PLEKHG4B: variants seen among roughly 807,000 people sequenced by gnomAD.
PLEKHG4B encodes the protein pleckstrin homology domain-containing family G member 4B.
A neutral mutation model predicts 121.3 loss-of-function variants in PLEKHG4B; 111 were observed. The ratio of observed to expected loss-of-function variants is 0.92; its 90% CI spans 0.78 to 1.07. The LOEUF (loss-of-function observed/expected upper bound fraction) is 1.07. Among genes scored for constraint, PLEKHG4B ranks in the 50% least tolerant of loss-of-function variants. The pLI is 0.00. For synonymous variants in PLEKHG4B, 738 were observed against 725.0 expected, an observed-to-expected ratio of 1.02 and a Z score of -0.29; for missense variants, 1,831 against 1,757.8, an observed-to-expected ratio of 1.04 and a Z score of -0.74.
rs747154708 is a variant in PLEKHG4B at position 173,936 on chromosome 5, A to G, written c.4240A>G (p.Thr1414Ala). 8 of 1,613,568 alleles carry G rather than the reference A, an allele frequency of 5.0e-6. No homozygotes were observed. Among genetic ancestry groups the G allele is most frequent in the Admixed American group, 1.7e-5 (1 of 59,974 alleles). The change falls in exon 18 of 20, where the codon ACA (threonine) becomes GCA (alanine). Residue 1414 changes from threonine (T) to alanine (A), a missense_variant. By Grantham distance (58) the Thr-to-Ala change is moderately conservative (BLOSUM62 0). Coordinates refer to ENST00000637938, the MANE Select transcript of PLEKHG4B (RefSeq NM_052909.5). ...QSFKTAEIGM[T>A]ENVGDSGLRF... Reference sequence around the variant, plus strand: ...ACTGCAGACGGCCGAGATCGGGATGACAGAGAACGTCGGGGACAGTGGCTT... The same window carrying G: ...ACTGCAGACGGCCGAGATCGGGATGGCAGAGAACGTCGGGGACAGTGGCTT...
chr5:148,260 G>T (rs1293514199), intron 6 of PLEKHG4B, among the ~76,000 whole-genome samples: 1 of 150,502 alleles, frequency 6.6e-6, no homozygotes, highest in African/African-American at 2.4e-5. Context: ...GGGAGAAGAG[G>T]CATCCAAACT....
At chr5:127,919 T>G (rs1449218844) in intron 2 of PLEKHG4B, among the ~76,000 whole-genome samples, 4 of 152,210 alleles carry the variant, frequency 2.6e-5, no homozygotes, top group Non-Finnish European at 5.9e-5. Context: ...ATTGGTTTGG[T>G]CCAGAAAGGC....
chr5:151,545 G>A lies in PLEKHG4B; in HGVS notation c.1938G>A (p.Leu646=). The A allele has an allele frequency of 2.5e-6, 4 of 1,586,638 alleles. No individual in the cohort carries two copies. Among genetic ancestry groups the A allele is most frequent in the Non-Finnish European group, 3.5e-6 (4 of 1,156,240 alleles). ...NNTSPIIHSI[L]LLVDKESAFR... ...CATCTCCTATAATTCATAGTATCTTGCTGTTGGTAGATAAAGAATCTGCAT... is the reference window on the plus strand; with the variant it reads ...CATCTCCTATAATTCATAGTATCTTACTGTTGGTAGATAAAGAATCTGCAT... Residue 646 remains leucine, a synonymous_variant, in exon 7 of 20, where the codon TTG becomes TTA. Transcript: ENST00000637938.
In PLEKHG4B at chr5:151,432, C is replaced by T. The variant is rs147256690; in HGVS notation, c.1906-81C>T. 7.0e-4 allele frequency: 599 copies of T among 858,810 alleles called. 4 individuals are homozygous for T. The African/African-American group carries it at 9.0e-3, about 13-fold the overall frequency. 53.2% of individuals were successfully genotyped at this position (858,810 alleles called of 1,614,324 possible). On this transcript the variant is annotated intron_variant, in intron 6 of 19. Transcript: ENST00000637938. The stretch of plus-strand genomic sequence containing the variant: ...CTGGGAAACTATGACAGAAGTAGTA[C>T]CACTCAAAATTGGGCAATTCTATTA...
At chr5:169,247 G>A (rs992259348) in intron 13 of PLEKHG4B, 93 bp from the exon 14 acceptor site, 21 of 1,529,856 alleles carry the variant, frequency 1.4e-5, no homozygotes, top group African/African-American at 4.1e-5. Flanking sequence ...TCATCCCTCC[G>A]GGTTTTCATG....
rs150273465 is a variant in PLEKHG4B, at chr5:182,208, A to C, written c.4769A>C (p.Asp1590Ala). 3.5e-5 allele frequency: 57 copies of C among 1,613,758 alleles called. No homozygotes were observed. Among genetic ancestry groups the C allele is most frequent in the Non-Finnish European group, 4.8e-5 (57 of 1,180,048 alleles). The change falls in exon 20 of 20, where the codon GAT (aspartate) becomes GCT (alanine). Residue 1590 changes from aspartate (D) to alanine (A), a missense_variant. Physicochemically the swap from Asp to Ala is moderately radical, Grantham distance 126. Transcript: ENST00000637938. ...WSPAHSPWSS[D>A]IRACVEEDEP... is the part of the protein sequence containing the mutation. ...CCTGCCCACAGCCCCTGGTCATCTGATATCAGAGCCTGCGTCGAGGAAGAT... is the reference window on the plus strand; with the variant it reads ...CCTGCCCACAGCCCCTGGTCATCTGCTATCAGAGCCTGCGTCGAGGAAGAT...
intron 2 of PLEKHG4B, among the ~76,000 whole-genome samples, chr5:132,579 A>G (rs1337505546): frequency 6.6e-6 from 1 of 152,178 alleles, no homozygotes; most frequent in East Asian, 1.9e-4. Flanking sequence ...ATAAGGTGAG[A>G]GATGAGGATC....
intron 2 of PLEKHG4B, among the ~76,000 whole-genome samples, chr5:133,941 C>CACACACACCTAT (rs34900477): frequency 6.8e-6 from 1 of 146,288 alleles, no homozygotes; most frequent in Non-Finnish European, 1.5e-5. Context: ...CACACACACA[C>CACACACACCTAT]ATATATATAT....
chr5:143,292 A>T, intron 4 of PLEKHG4B, 36 bp downstream of exon 4: 7 of 1,608,424 alleles, frequency 4.4e-6, no homozygotes, highest in Non-Finnish European at 5.9e-6. Context: ...GTCAGGGCGG[A>T]TCTGACATCT....
intron 13 of PLEKHG4B, 41 bp from the exon 14 acceptor site, chr5:169,299 G>T: frequency 6.2e-7 from 1 of 1,609,056 alleles, no homozygotes; most frequent in Non-Finnish European, 8.5e-7. Context: ...TAAAGTGTCC[G>T]TGGGGGGCCG....
rs1735782710 is a variant in PLEKHG4B, at chr5:156,375, C to T, written c.2348+165C>T. ...CTTTGCCTGGGTCAGAGCTTTTCCA[C>T]ATTTACAGGCTCCAAAGATCAAGGA... is the stretch of plus-strand genomic sequence containing the variant. On this transcript the variant is annotated intron_variant, in intron 10 of 19. Coordinates refer to ENST00000637938, the MANE Select transcript of PLEKHG4B (RefSeq NM_052909.5). The surrounding 1 kb of genome is among the most constrained non-coding windows in gnomAD (Gnocchi z 4.4). Among the ~76,000 whole-genome samples the T allele has an allele frequency of 2.0e-5, 3 of 151,214 alleles. No homozygotes were observed. In the Admixed American group the frequency reaches 2.0e-4, roughly 10 times the overall value.
chr5:97,423 C>G (rs1560891173), intron 1 of PLEKHG4B, among the ~76,000 whole-genome samples: 1 of 152,220 alleles, frequency 6.6e-6, no homozygotes, highest in Non-Finnish European at 1.5e-5. Flanking sequence ...ATTCCAAAGT[C>G]AAAACCCCTT....
chr5:170,814 C>A (rs989803986), intron 14 of PLEKHG4B, among the ~76,000 whole-genome samples: 4 of 152,110 alleles, frequency 2.6e-5, no homozygotes, highest in African/African-American at 9.7e-5. Context: ...ACAGAATTCT[C>A]AGCATTGAGG....
chr5:97,060 C>G (rs193034156), intron 1 of PLEKHG4B, among the ~76,000 whole-genome samples: 1 of 152,310 alleles, frequency 6.6e-6, no homozygotes, highest in Admixed American at 6.5e-5. Context: ...AGTCAAACCC[C>G]TTACCTGTCA....
chr5:124,648 G>A (rs368687317), intron 2 of PLEKHG4B, among the ~76,000 whole-genome samples: 1 of 152,040 alleles, frequency 6.6e-6, no homozygotes, highest in East Asian at 1.9e-4. Flanking sequence ...GTTCTTCATG[G>A]TATCTGGTAA....
At position 164,798 on chromosome 5, in the gene PLEKHG4B, C is replaced by T. The variant is rs199897995; in HGVS notation, c.3476+1250C>T. 1.2e-4 allele frequency among the ~76,000 whole-genome samples: 14 copies of T among 120,514 alleles called. No individual in the cohort carries two copies. In the East Asian group the frequency reaches 1.9e-3, roughly 16 times the overall value. The allele number at this position is 120,514 out of a possible 152,430, so 79.1% of individuals were successfully genotyped here. ...AGCTCACACTAATGCTCTGACGGGG[C>T]GGAGCTCACACACTAATGCTGTGAC... On this transcript the variant is annotated intron_variant, in intron 13 of 19. Coordinates refer to ENST00000637938, the MANE Select transcript of PLEKHG4B (RefSeq NM_052909.5).
Position 113,808 on chromosome 5 carries a change from G to A in PLEKHG4B, c.243+360G>A, listed in dbSNP as rs970288056. 3.9e-5 allele frequency among the ~76,000 whole-genome samples: 6 copies of A among 151,986 alleles called. No homozygotes were observed. The highest frequency in any genetic ancestry group is 1.4e-4 in the African/African-American group (6 of 41,382). Reference sequence around the variant, plus strand: ...AAGGGACTGTACTGAGCACTTCAGAGCTAAGTTACTGCAGCAGTAACAATG... The same window carrying A: ...AAGGGACTGTACTGAGCACTTCAGAACTAAGTTACTGCAGCAGTAACAATG... On this transcript the variant is annotated intron_variant, in intron 2 of 19. Coordinates refer to ENST00000637938, the MANE Select transcript of PLEKHG4B (RefSeq NM_052909.5). This position sits in a 1 kb window ranked among gnomAD's most constrained non-coding sequence, Gnocchi z 5.2.
chr5:145,639 A>G (rs1046285446), intron 6 of PLEKHG4B, among the ~76,000 whole-genome samples: 5 of 152,220 alleles, frequency 3.3e-5, no homozygotes, highest in Non-Finnish European at 5.9e-5. Context: ...GCTCACAGGC[A>G]TGAGCCACTG....
At chr5:111,787 C>CT (rs1184884253) in intron 1 of PLEKHG4B, among the ~76,000 whole-genome samples, 1 of 152,170 alleles carries the variant, frequency 6.6e-6, no homozygotes, top group Non-Finnish European at 1.5e-5. Flanking sequence ...CTCTTCCTTC[C>CT]TGCCCATTTC....
Sources: allele counts gnomAD v4.1 joint callset (sites outside exome capture counted in the v4.1 genomes callset), GRCh38; gene constraint gnomAD v4.1.1; non-coding constraint Gnocchi (gnomAD v3.1); transcripts MANE v1.5; gene names NCBI Gene and HGNC (gene_info 2026-07-23, HGNC 2026-07-21).